IFT74: variants seen among roughly 807,000 people sequenced by gnomAD.
The protein encoded by IFT74 is intraflagellar transport protein 74 homolog.
Under a neutral mutation model 96.7 loss-of-function variants are expected in IFT74, and 92 were observed. The ratio of observed to expected loss-of-function variants is 0.95; its 90% CI spans 0.80 to 1.13. The LOEUF (loss-of-function observed/expected upper bound fraction) is 1.13, where lower values mean the gene tolerates loss of function less well. Among genes scored for constraint, IFT74 ranks in the 50% most tolerant of loss-of-function variants. The probability of loss-of-function intolerance (pLI) is 0.00; values close to 1 mark genes in which losing one functional copy is unlikely to be tolerated. For synonymous variants in IFT74, 223 were observed against 213.2 expected (o/e 1.05, Z -0.40); for missense variants, 811 against 698.2 (o/e 1.16, Z -1.82).
chr9:27,022,065 C>T (rs1455680526), intron 12 of IFT74, among the ~76,000 whole-genome samples: 1 of 152,190 alleles, frequency 6.6e-6, no homozygotes, highest in Admixed American at 6.5e-5. Context: ...CCAATTATCC[C>T]AGCACCATTT....
chr9:26,989,564 T>C (rs1329879545), intron 7 of IFT74, among the ~76,000 whole-genome samples: 2 of 152,118 alleles, frequency 1.3e-5, no homozygotes, highest in African/African-American at 4.8e-5. Context: ...TCTTCTAAAT[T>C]TGGGGTTCTC....
chr9:26,967,316 C>T (rs375316279), intron 2 of IFT74, among the ~76,000 whole-genome samples: 11 of 151,862 alleles, frequency 7.2e-5, no homozygotes, highest in African/African-American at 2.4e-4. Context: ...TCTTTCACTT[C>T]TTGGGTTAAT....
At chr9:26,963,637 T>A (rs1826469998) in intron 2 of IFT74, among the ~76,000 whole-genome samples, 1 of 151,820 alleles carries the variant, frequency 6.6e-6, no homozygotes, top group African/African-American at 2.4e-5. Flanking sequence ...CCTGACTTTT[T>A]AATGATCGCC....
chr9:27,048,046 TG>T (rs1819769191), intron 15 of IFT74, 101 bp from the exon 16 acceptor site: 2 of 708,020 alleles, frequency 2.8e-6, no homozygotes, highest in Non-Finnish European at 4.3e-6. Context: ...AAAAAATACC[TG>T]ATCCAAACAT....
chr9:27,047,477 A>G (rs1373255315), intron 15 of IFT74, 106 bp downstream of exon 15: 3 of 600,998 alleles, frequency 5.0e-6, no homozygotes, highest in African/African-American at 3.9e-5. Flanking sequence ...CTTCTCATTT[A>G]ACTGCTTCCT....
intron 1 of IFT74, among the ~76,000 whole-genome samples, chr9:26,948,006 C>T (rs1301201408): frequency 2.0e-5 from 3 of 152,122 alleles, no homozygotes; most frequent in East Asian, 1.9e-4. Context: ...TCTTCCCATC[C>T]GCTATTCTCT....
chr9:27,010,992 A>G (rs1829039035), intron 9 of IFT74, among the ~76,000 whole-genome samples: 1 of 152,180 alleles, frequency 6.6e-6, no homozygotes, highest in South Asian at 2.1e-4. Context: ...TTTGCTGACA[A>G]TTTAGTAACC....
chr9:26,979,581 T>A (rs554899528), intron 3 of IFT74, among the ~76,000 whole-genome samples: 1 of 152,080 alleles, frequency 6.6e-6, no homozygotes, highest in African/African-American at 2.4e-5. Flanking sequence ...CCCAGTATAA[T>A]AAGATACTAC....
At position 27,056,361 on chromosome 9, in the gene IFT74, T is replaced by C. The variant is rs1295221589; in HGVS notation, c.1525T>C (p.Ser509Pro). The C allele has an allele frequency of 6.3e-7, 1 of 1,589,924 alleles. No homozygotes were observed. The highest frequency in any genetic ancestry group is 1.3e-5 in the African/African-American group (1 of 74,094). Residue 509 changes from serine (S) to proline (P), a missense_variant, in exon 18 of 20, where the codon TCA (serine) becomes CCA (proline). Ser to Pro is a moderately conservative substitution (Grantham distance 74). Coordinates refer to ENST00000380062, the MANE Select transcript of IFT74 (RefSeq NM_025103.4). ...KKLHQERMIL[S>P]THRNAFKKIM... ...ATTACATCAGGAGAGAATGATATTA[T>C]CAACCCACAGAAATGCCTTTAAGAA...
chr9:26,949,306 C>A (rs549304847), intron 1 of IFT74, among the ~76,000 whole-genome samples: 1 of 152,158 alleles, frequency 6.6e-6, no homozygotes, highest in Non-Finnish European at 1.5e-5. Flanking sequence ...GAAGAATTTG[C>A]CTTGTTTAAA....
intron 8 of IFT74, chr9:26,996,631 T>TGTCTAGCA (rs1489362417): frequency 3.8e-6 from 2 of 525,806 alleles, no homozygotes; most frequent in African/African-American, 3.9e-5. Flanking sequence ...CTGTTGTATT[T>TGTCTAGCA]GTCTAGCAAC....
rs149741628 is a variant in IFT74, at chr9:27,060,323, T to C, written c.1624-268T>C. On this transcript the variant is annotated intron_variant, in intron 18 of 19. Transcript: ENST00000380062. Reference sequence around the variant, plus strand: ...TTAGGGAAAGGAAAATCATAAATTGTCTTTCAGTTGGCATGTTCATTGGTA... The same window carrying C: ...TTAGGGAAAGGAAAATCATAAATTGCCTTTCAGTTGGCATGTTCATTGGTA... 2.5e-3 allele frequency among the ~76,000 whole-genome samples: 382 copies of C among 152,236 alleles called. 1 individual carries two copies. The highest frequency in any genetic ancestry group is 8.7e-3 in the African/African-American group (360 of 41,574).
intron 16 of IFT74, among the ~76,000 whole-genome samples, chr9:27,051,272 A>C (rs905100898): frequency 6.6e-6 from 1 of 152,226 alleles, no homozygotes; most frequent in African/African-American, 2.4e-5. Flanking sequence ...ATATAGGTAT[A>C]TAATTGCTAT....
In IFT74 at chr9:26,981,711, C is replaced by T. The variant is rs1208144924; in HGVS notation, c.305+1092C>T. ...CTGGGATTACAGGCATGAGCCACCG[C>T]GCCCAACCCCTTGTAGCATTTTAAA... On this transcript the variant is annotated intron_variant, in intron 4 of 19. Transcript: ENST00000380062. 5.9e-5 allele frequency among the ~76,000 whole-genome samples: 9 copies of T among 152,050 alleles called. No homozygotes were observed. The South Asian group carries it at 6.2e-4, about 11-fold the overall frequency.
intron 10 of IFT74, among the ~76,000 whole-genome samples, chr9:27,012,972 C>T (rs1266915416): frequency 6.6e-6 from 1 of 152,012 alleles, no homozygotes; most frequent in Non-Finnish European, 1.5e-5. Context: ...CCACCTCGGC[C>T]TCCCAAAGTG....
intron 2 of IFT74, among the ~76,000 whole-genome samples, chr9:26,966,281 AT>A (rs1826608599): frequency 6.6e-6 from 1 of 152,082 alleles, no homozygotes; most frequent in African/African-American, 2.4e-5. Flanking sequence ...ACTAACTTAC[AT>A]TCCCCCCAAC....
At chr9:26,992,504 GC>G (rs918004392) in intron 8 of IFT74, among the ~76,000 whole-genome samples, 2 of 152,018 alleles carry the variant, frequency 1.3e-5, no homozygotes, top group Non-Finnish European at 2.9e-5. Flanking sequence ...ACCAGCCTGG[GC>G]AATGTGGCGA....
chr9:26,988,114 G>A (rs1178874336), intron 6 of IFT74, among the ~76,000 whole-genome samples: 5 of 151,984 alleles, frequency 3.3e-5, no homozygotes, highest in Admixed American at 2.0e-4. Flanking sequence ...CACCACACCC[G>A]GCTAATTTTG....
intron 1 of IFT74, chr9:26,947,188 C>A (rs781321765): frequency 5.7e-5 from 57 of 993,166 alleles, no homozygotes; most frequent in East Asian, 1.9e-4. Flanking sequence ...AGAGCCGGTA[C>A]GGAAGGGCGG....
Sources: gnomAD v4.1 joint callset for allele counts (sites outside exome capture counted in the v4.1 genomes callset) on GRCh38, gnomAD v4.1.1 for gene constraint, MANE v1.5 for transcripts, NCBI Gene and HGNC (gene_info 2026-07-23, HGNC 2026-07-21) for gene names.